The following IFT74 variants were observed in gnomAD, a reference collection of about 807,000 sequenced individuals.
IFT74 encodes intraflagellar transport 74, also known as intraflagellar transport protein 74 homolog.
In IFT74, 92 loss-of-function variants were observed where a neutral mutation model predicts 96.7. The observed-to-expected ratio is 0.95, with a 90% CI of 0.80 to 1.13. The LOEUF is 1.13. Ranked by LOEUF, IFT74 falls within the 50% of genes most tolerant of loss-of-function variation. IFT74 has a pLI of 0.00. For missense variants in IFT74, 811 were observed against 698.2 expected, an observed-to-expected ratio of 1.16 and a Z score of -1.82; for synonymous variants, 223 against 213.2, an observed-to-expected ratio of 1.05 and a Z score of -0.40.
intron 3 of IFT74, 92 bp from the exon 4 acceptor site, chr9:26,980,479 G>T (rs1055522135): frequency 8.8e-6 from 7 of 793,386 alleles, no homozygotes; most frequent in Non-Finnish European, 1.6e-5. Flanking sequence ...ACTGTCTTGA[G>T]AATTGTGGAG....
At chr9:27,023,409 G>T (rs1377957869) in intron 12 of IFT74, among the ~76,000 whole-genome samples, 1 of 152,140 alleles carries the variant, frequency 6.6e-6, no homozygotes, top group Non-Finnish European at 1.5e-5. Context: ...TGCATCTATT[G>T]AGATGATCAT....
chr9:26,996,360 G>T, intron 8 of IFT74: 1 of 1,607,804 alleles, frequency 6.2e-7, no homozygotes, highest in South Asian at 1.1e-5. Context: ...TTGAATTGCT[G>T]ATGGGCTGAA....
intron 8 of IFT74, chr9:26,999,584 A>AT (rs1405202702): frequency 2.0e-6 from 3 of 1,467,222 alleles, no homozygotes. Context: ...CTTTGAAAAT[A>AT]TTTTTACTAT....
chr9:26,999,185 G>T (rs553701151), intron 8 of IFT74, among the ~76,000 whole-genome samples: 55 of 152,264 alleles, frequency 3.6e-4, no homozygotes, highest in African/African-American at 1.3e-3. Flanking sequence ...TGGAAAGAAA[G>T]AAATAGTTCT....
chr9:26,976,881 G>A (rs73436005), intron 2 of IFT74: 5 of 434,046 alleles, frequency 1.2e-5, no homozygotes, highest in South Asian at 8.4e-5. Context: ...AGAGAATCTT[G>A]TTGAGTAATA....
chr9:27,009,211 G>GTA, intron 9 of IFT74, 53 bp downstream of exon 9: 1 of 1,525,532 alleles, frequency 6.6e-7, no homozygotes, highest in Non-Finnish European at 8.9e-7. Context: ...GCTACTAAAA[G>GTA]TATAGTTTGA....
At chr9:27,020,540 T>C (rs910693998) in intron 12 of IFT74, among the ~76,000 whole-genome samples, 10 of 150,144 alleles carry the variant, frequency 6.7e-5, no homozygotes, top group African/African-American at 2.2e-4. Flanking sequence ...AGCAGCCCAA[T>C]CTCGGCTCAC....
chr9:27,031,128 C>T (rs1020345895), intron 13 of IFT74, among the ~76,000 whole-genome samples: 3 of 151,880 alleles, frequency 2.0e-5, no homozygotes, highest in African/African-American at 4.8e-5. Flanking sequence ...TCCAAGTAGC[C>T]GGGACTACAG....
intron 8 of IFT74, among the ~76,000 whole-genome samples, chr9:27,005,994 G>A (rs1828756149): frequency 6.6e-6 from 1 of 151,758 alleles, no homozygotes; most frequent in South Asian, 2.1e-4. Context: ...CAGGCTCCCG[G>A]CACTGCACCT....
chr9:27,025,405 T>C (rs917528276), intron 12 of IFT74, among the ~76,000 whole-genome samples: 1 of 136,284 alleles, frequency 7.3e-6, no homozygotes, highest in Non-Finnish European at 1.5e-5. Flanking sequence ...ATCATGCCAC[T>C]GCATTCCATC....
At chr9:27,005,295 A>T (rs925826163) in intron 8 of IFT74, among the ~76,000 whole-genome samples, 1 of 145,154 alleles carries the variant, frequency 6.9e-6, no homozygotes, top group Non-Finnish European at 1.5e-5. Flanking sequence ...ATGCTCTGTG[A>T]TTAACATATT....
At chr9:27,057,158 GT>G (rs995066054) in intron 18 of IFT74, among the ~76,000 whole-genome samples, 83 of 152,146 alleles carry the variant, frequency 5.5e-4, no homozygotes, top group African/African-American at 1.9e-3. Context: ...GTAATTTCTA[GT>G]TTTAAAACCA....
intron 16 of IFT74, among the ~76,000 whole-genome samples, chr9:27,049,557 T>C (rs1038785609): frequency 6.6e-6 from 1 of 152,188 alleles, no homozygotes; most frequent in African/African-American, 2.4e-5. Context: ...GGTTGAGGCC[T>C]AGTTGAGAAG....
At chr9:27,034,868 A>G (rs959770417) in intron 13 of IFT74, among the ~76,000 whole-genome samples, 1 of 152,218 alleles carries the variant, frequency 6.6e-6, no homozygotes, top group African/African-American at 2.4e-5. Context: ...TGTTACTAGA[A>G]TGCCTGGATT....
At chr9:26,986,454 T>G (rs562567503) in intron 6 of IFT74, among the ~76,000 whole-genome samples, 2 of 151,988 alleles carry the variant, frequency 1.3e-5, no homozygotes, top group Non-Finnish European at 2.9e-5. Context: ...CAGCTGGGAC[T>G]ACAGGCACAT....
chr9:27,056,498 C>T, intron 18 of IFT74, 39 bp downstream of exon 18: 1 of 1,528,260 alleles, frequency 6.5e-7, no homozygotes, highest in Non-Finnish European at 8.8e-7. Context: ...TTGTCTTAGT[C>T]TATATTTTCA....
intron 8 of IFT74, among the ~76,000 whole-genome samples, chr9:26,991,514 C>T (rs375837732): frequency 6.6e-6 from 1 of 152,092 alleles, no homozygotes; most frequent in Non-Finnish European, 1.5e-5. Flanking sequence ...ACCATTATAC[C>T]CGGCCACCAT....
chr9:27,044,589 G>A lies in IFT74; in HGVS notation c.1055-153G>A, dbSNP rs72703122. Among the ~76,000 whole-genome samples the A allele has an allele frequency of 0.064, 9,670 of 152,262 alleles. 443 individuals are homozygous for A. The highest frequency in any genetic ancestry group is 0.2 in the South Asian group (987 of 4,830). On this transcript the variant is annotated intron_variant, in intron 13 of 19. Transcript: ENST00000380062. Reference sequence around the variant, plus strand: ...TTACATGCATATGTCTACTTGAAAAGTCTCTATAAGTCATTGTAAAAGAAT... The same window carrying A: ...TTACATGCATATGTCTACTTGAAAAATCTCTATAAGTCATTGTAAAAGAAT...
rs1255748865 is a variant in IFT74, at chr9:27,028,922, A to ATATTG, written c.975-101_975-97dup. On this transcript the variant is annotated intron_variant, in intron 12 of 19. Coordinates refer to ENST00000380062, the MANE Select transcript of IFT74 (RefSeq NM_025103.4). ...TTAGAATAAGACATATTATTTTTAG[A>ATATTG]TATTGTTTATGCAACTTGGAAAAGA... The ATATTG allele has an allele frequency of 2.7e-5, 26 of 975,144 alleles. 1 individual carries two copies. The Admixed American group carries it at 6.9e-4, about 26-fold the overall frequency. The allele number at this position is 975,144 out of a possible 1,614,324, so 60.4% of individuals were successfully genotyped here.
Sources: gnomAD v4.1 joint callset for allele counts (sites outside exome capture counted in the v4.1 genomes callset) on GRCh38, gnomAD v4.1.1 for gene constraint, MANE v1.5 for transcripts, NCBI Gene and HGNC (gene_info 2026-07-23, HGNC 2026-07-21) for gene names.